The following TBC1D2 variants were observed in gnomAD, a reference collection of about 807,000 sequenced individuals.
TBC1D2 encodes the protein TBC1 domain family member 2.
A neutral mutation model predicts 91.1 loss-of-function variants in TBC1D2; 58 were observed. The observed-to-expected ratio is 0.64, with a 90% confidence interval of 0.52 to 0.79. The LOEUF (loss-of-function observed/expected upper bound fraction) is 0.79. TBC1D2 is among the 30% of genes least tolerant of loss of function. TBC1D2 has a pLI of 0.00. For missense variants in TBC1D2, 1,080 were observed against 1,208.3 expected (o/e 0.89, Z 1.57); for synonymous variants, 482 against 511.5 (o/e 0.94, Z 0.78).
chr9:98,237,899 T>C (rs1417355488), intron 3 of TBC1D2, among the ~76,000 whole-genome samples: 1 of 146,822 alleles, frequency 6.8e-6, no homozygotes, highest in African/African-American at 2.5e-5. Flanking sequence ...CTTTTTTTTT[T>C]CTTTTTTTTC....
chr9:98,228,150 C>T lies in TBC1D2; in HGVS notation c.978+802G>A, dbSNP rs1343447568. On this transcript the variant is annotated intron_variant, in intron 5 of 12. Transcript: ENST00000465784. This position sits in a 1 kb window ranked among gnomAD's most constrained non-coding sequence, Gnocchi z 4.0. Reference sequence around the variant, plus strand: ...AGGAGTCTGGGCCCTCACTGGAGCCCGCCACTGCCACCACAGGTCCTACCA... The same window carrying T: ...AGGAGTCTGGGCCCTCACTGGAGCCTGCCACTGCCACCACAGGTCCTACCA... Among the ~76,000 whole-genome samples, 1 of 152,128 alleles carries T rather than the reference C, an allele frequency of 6.6e-6. No individual in the cohort carries two copies. Among genetic ancestry groups the T allele is most frequent in the Non-Finnish European group, 1.5e-5 (1 of 68,036 alleles).
intron 2 of TBC1D2, among the ~76,000 whole-genome samples, chr9:98,251,306 C>A (rs1829869673): frequency 6.6e-6 from 1 of 151,572 alleles, no homozygotes; most frequent in Non-Finnish European, 1.5e-5. Context: ...AAAAAAAAGT[C>A]ACTGATCTAC....
chr9:98,210,893 CCCAGAGG>C lies in TBC1D2; in HGVS notation c.1486-57_1486-51del, dbSNP rs1564237951. The C allele has an allele frequency of 5.6e-6, 7 of 1,255,352 alleles. No homozygotes were observed. In the South Asian group the frequency reaches 7.0e-5, roughly 12 times the overall value. The allele number at this position is 1,255,352 out of a possible 1,614,324, so 77.8% of individuals were successfully genotyped here. ...GGCTACCGGGTGGGAGCTGGGCCGC[CCCAGAGG>C]CCTGAGGCCTGAACAGCTTTAGGCA... On this transcript the variant is annotated intron_variant, in intron 7 of 12. Transcript: ENST00000465784.
At position 98,208,832 on chromosome 9, in the gene TBC1D2, GC is replaced by G; in HGVS notation, c.1985del (p.Arg662ProfsTer13). On this transcript the variant is annotated frameshift_variant, in exon 9 of 13. Transcript: ENST00000465784. LOFTEE classifies it high-confidence loss of function. ...YQELLSRGQA[R>X]EHPAARQIEL... ...CAATCTGGCGGGCAGCAGGGTGCTC[GC>G]GGGCCTGGCCCCGGCTCAGCAGTTC... 1 of 1,607,674 alleles carries G rather than the reference GC, an allele frequency of 6.2e-7. No homozygotes were observed. The highest frequency in any genetic ancestry group is 8.5e-7 in the Non-Finnish European group (1 of 1,174,916).
At chr9:98,204,708 T>C (rs1828603787) in intron 9 of TBC1D2, among the ~76,000 whole-genome samples, 1 of 152,190 alleles carries the variant, frequency 6.6e-6, no homozygotes. Context: ...GTTCAGATAT[T>C]TGTACAAAAC....
intron 8 of TBC1D2, among the ~76,000 whole-genome samples, chr9:98,209,656 G>A (rs996668840): frequency 6.6e-6 from 1 of 152,070 alleles, no homozygotes; most frequent in Non-Finnish European, 1.5e-5. Flanking sequence ...TGCCCTGCCT[G>A]CACTATCTCA....
intron 4 of TBC1D2, 113 bp from the exon 5 acceptor site, chr9:98,229,261 T>G: frequency 1.1e-6 from 1 of 951,656 alleles, no homozygotes; most frequent in Non-Finnish European, 1.6e-6. Context: ...GGTTGGGCCC[T>G]AATTTCGGAG....
chr9:98,229,138 T>TG lies in TBC1D2; in HGVS notation c.791dup (p.Glu265ArgfsTer32), dbSNP rs766177511. The TG allele has an allele frequency of 6.2e-7, 1 of 1,614,210 alleles. No homozygotes were observed. The highest frequency in any genetic ancestry group is 2.2e-5 in the East Asian group (1 of 44,884). On this transcript the variant is annotated frameshift_variant, in exon 5 of 13. Transcript: ENST00000465784. LOFTEE classifies it high-confidence loss of function. Reference sequence around the variant, plus strand: ...TGGGTGCAGGCTTTGGAGAATCCTCTGGCTCTCTCCCTGCTCAAGAGGAGA... The same window carrying TG: ...TGGGTGCAGGCTTTGGAGAATCCTCTGGGCTCTCTCCCTGCTCAAGAGGAGA...
At chr9:98,218,558 C>T (rs1679666572) in intron 6 of TBC1D2, among the ~76,000 whole-genome samples, 1 of 152,004 alleles carries the variant, frequency 6.6e-6, no homozygotes, top group Non-Finnish European at 1.5e-5. Flanking sequence ...CAGAGCAAGA[C>T]TCCGTCTCAA....
intron 3 of TBC1D2, among the ~76,000 whole-genome samples, chr9:98,243,050 A>T (rs1829684219): frequency 6.6e-6 from 1 of 151,588 alleles, no homozygotes; most frequent in Non-Finnish European, 1.5e-5. Flanking sequence ...AAAGTGTTGC[A>T]ATTACAGGCA....
In TBC1D2 at chr9:98,241,849, C is replaced by T. The variant is rs550203105; in HGVS notation, c.647+2145G>A. Among the ~76,000 whole-genome samples the T allele has an allele frequency of 1.1e-3, 163 of 152,340 alleles. 1 individual carries two copies. Among genetic ancestry groups the T allele is most frequent in the African/African-American group, 3.7e-3 (154 of 41,578 alleles). The stretch of plus-strand genomic sequence containing the variant: ...CATGCCCTATACCCATCAAGCCTCT[C>T]TCTCAAGCTTAGATCTCTCTCCTGG... On this transcript the variant is annotated intron_variant, in intron 3 of 12. Coordinates refer to ENST00000465784, the MANE Select transcript of TBC1D2 (RefSeq NM_001267571.2).
chr9:98,223,431 C>A (rs968234456), intron 5 of TBC1D2, among the ~76,000 whole-genome samples: 5 of 152,100 alleles, frequency 3.3e-5, no homozygotes, highest in Non-Finnish European at 7.4e-5. Context: ...TTTGGAACGT[C>A]CAGAATGAAG....
Position 98,200,570 on chromosome 9 carries a change from G to C in TBC1D2, c.2458-196C>G, listed in dbSNP as rs1249864170. On this transcript the variant is annotated intron_variant, in intron 11 of 12. Coordinates refer to ENST00000465784, the MANE Select transcript of TBC1D2 (RefSeq NM_001267571.2). The stretch of plus-strand genomic sequence containing the variant: ...GAATACCCCGGCGGGGTGGTGGGGG[G>C]GCGGGGGAAGGGACGCACAGCTTGA... 2.0e-5 allele frequency among the ~76,000 whole-genome samples: 3 copies of C among 151,808 alleles called. 1 individual carries two copies. In the East Asian group the frequency reaches 5.8e-4, roughly 30 times the overall value.
intron 11 of TBC1D2, 33 bp from the exon 12 acceptor site, chr9:98,200,407 G>T (rs534967432): frequency 2.6e-6 from 4 of 1,561,054 alleles, no homozygotes; most frequent in Admixed American, 1.9e-5. Flanking sequence ...GGTAGGGCAT[G>T]GGGGGGCCAG....
In TBC1D2 at chr9:98,213,098, C is replaced by T. The variant is rs1828889224; in HGVS notation, c.1485+10G>A. The T allele has an allele frequency of 3.7e-6, 6 of 1,613,732 alleles. No individual in the cohort carries two copies. Among genetic ancestry groups the T allele is most frequent in the African/African-American group, 1.3e-5 (1 of 74,896 alleles). On this transcript the variant is annotated intron_variant, in intron 7 of 12. Coordinates refer to ENST00000465784, the MANE Select transcript of TBC1D2 (RefSeq NM_001267571.2). ...GATGGAGACGGCTGGAATAGGGCCC[C>T]ACCCCGCACCTTCGTCAGAAGGGCC...
intron 5 of TBC1D2, among the ~76,000 whole-genome samples, chr9:98,222,432 C>T (rs951984466): frequency 5.3e-5 from 8 of 152,202 alleles, no homozygotes; most frequent in Non-Finnish European, 1.0e-4. Flanking sequence ...GCCCACCAGC[C>T]GATGCCTGCA....
Position 98,200,366 on chromosome 9 carries a change from A to C in TBC1D2, c.2466T>G (p.Phe822Leu). The part of the protein sequence containing the change: ...AFLYEGTKVV[F>L]RYALAIFKYN... ...ACTTGAAAATGGCCAAGGCATAGCGAAACACCACCTGGGGGTAGAGTGGGG... is the reference window on the plus strand; with the variant it reads ...ACTTGAAAATGGCCAAGGCATAGCGCAACACCACCTGGGGGTAGAGTGGGG... The change falls in exon 12 of 13, where the codon TTT becomes TTG. Residue 822 changes from phenylalanine to leucine, a missense_variant. Physicochemically the swap from Phe to Leu is conservative, Grantham distance 22 (BLOSUM62 0). Transcript: ENST00000465784. The C allele has an allele frequency of 6.4e-7, 1 of 1,571,446 alleles. No homozygotes were observed. The highest frequency in any genetic ancestry group is 8.7e-7 in the Non-Finnish European group (1 of 1,155,924).
chr9:98,207,429 G>T (rs1017963783), intron 9 of TBC1D2, among the ~76,000 whole-genome samples: 1 of 152,252 alleles, frequency 6.6e-6, no homozygotes, highest in Non-Finnish European at 1.5e-5. Context: ...TGGGGCTGGA[G>T]CGGGGGGATG....
chr9:98,200,469 A>T (rs955224933), intron 11 of TBC1D2, 95 bp from the exon 12 acceptor site: 15 of 1,094,796 alleles, frequency 1.4e-5, no homozygotes, highest in Non-Finnish European at 1.9e-5. Flanking sequence ...AGTATGGAAG[A>T]CCCTGGACTG....
Sources: gnomAD v4.1 joint callset for allele counts (sites outside exome capture counted in the v4.1 genomes callset) on GRCh38, gnomAD v4.1.1 for gene constraint, Gnocchi (gnomAD v3.1) non-coding constraint, MANE v1.5 for transcripts, NCBI Gene and HGNC (gene_info 2026-07-23, HGNC 2026-07-21) for gene names.